The following PLEKHD1 variants were observed in gnomAD, a reference collection of about 807,000 sequenced individuals.
The protein encoded by PLEKHD1 is pleckstrin homology and coiled-coil domain containing D1, also known as pleckstrin homology domain-containing family D member 1.
In PLEKHD1, 51 loss-of-function variants were observed where a neutral mutation model predicts 69.2. That is an observed-to-expected ratio of 0.74 (90% confidence interval 0.59 to 0.93). PLEKHD1 has a LOEUF of 0.93. Ranked by LOEUF, PLEKHD1 falls within the 40% of genes least tolerant of loss-of-function variation. The pLI, the probability that PLEKHD1 is intolerant of heterozygous loss-of-function variation, is 0.00. For missense variants in PLEKHD1, 584 were observed against 641.0 expected, an observed-to-expected ratio of 0.91 and a Z score of 0.96; for synonymous variants, 236 against 244.7, an observed-to-expected ratio of 0.96 and a Z score of 0.33.
At chr14:69,527,108 G>T in intron 10 of PLEKHD1, 80 bp from the exon 11 acceptor site, 1 of 1,448,668 alleles carries the variant, frequency 6.9e-7, no homozygotes, top group South Asian at 1.5e-5. Flanking sequence ...AGCCAGGGGT[G>T]ACCAAGGAAG....
Position 69,531,221 on chromosome 14 carries a change from G to A in PLEKHD1, c.*2802G>A, listed in dbSNP as rs555022067. On this transcript the variant is annotated 3_prime_UTR_variant, in exon 13 of 13. Coordinates refer to ENST00000322564, the MANE Select transcript of PLEKHD1 (RefSeq NM_001161498.2). The stretch of plus-strand genomic sequence containing the variant: ...CTACTGGGATAGTAATTAAATTTCA[G>A]TGTGAGTTTGGGAGGGAACAAACAT... 6.6e-6 allele frequency: 1 copy of A among 152,246 alleles called. No individual in the cohort carries two copies. The highest frequency in any genetic ancestry group is 2.4e-5 in the African/African-American group (1 of 41,482). 9.4% of individuals were successfully genotyped at this position (152,246 alleles called of 1,614,324 possible). A position where few individuals can be genotyped will look rare whatever the true frequency, so the allele number is the denominator to read the frequency against.
intron 6 of PLEKHD1, among the ~76,000 whole-genome samples, chr14:69,518,026 ATTTATTTGTTTG>A (rs1203341631): frequency 8.1e-4 from 29 of 35,602 alleles, no homozygotes; most frequent in South Asian, 2.3e-3. Context: ...TTATTTATTT[ATTTATTTGTTTG>A]TTTGTTTGTT....
intron 1 of PLEKHD1, among the ~76,000 whole-genome samples, chr14:69,495,198 A>T (rs1311015748): frequency 6.6e-6 from 1 of 152,194 alleles, no homozygotes; most frequent in Non-Finnish European, 1.5e-5. Flanking sequence ...ATATGACATT[A>T]GGGAACACTT....
the PLEKHD1 span, among the ~76,000 whole-genome samples, chr14:69,476,439 C>T: frequency 1.3e-5 from 2 of 151,672 alleles, no homozygotes; most frequent in East Asian, 1.9e-4. Context: ...TTGGCATGTA[C>T]CTGTAATCCC....
chr14:69,517,613 T>C (rs934222246), intron 6 of PLEKHD1, among the ~76,000 whole-genome samples: 1 of 152,028 alleles, frequency 6.6e-6, no homozygotes, highest in African/African-American at 2.4e-5. Flanking sequence ...ACATAGGAAG[T>C]GCTTAATAAA....
chr14:69,495,603 A>G (rs1440993811), intron 1 of PLEKHD1, among the ~76,000 whole-genome samples: 1 of 152,180 alleles, frequency 6.6e-6, no homozygotes, highest in Non-Finnish European at 1.5e-5. Flanking sequence ...GTACTCTATA[A>G]ATGTTAGCTT....
At chr14:69,480,204 C>G (rs911183709), upstream of PLEKHD1, among the ~76,000 whole-genome samples, 1 of 152,200 alleles carries the variant, frequency 6.6e-6, no homozygotes, top group African/African-American at 2.4e-5. Context: ...GGGCAGGAGC[C>G]TGAATGGTGG....
chr14:69,525,803 G>A, intron 8 of PLEKHD1, 141 bp from the exon 9 acceptor site: 4 of 812,806 alleles, frequency 4.9e-6, no homozygotes, highest in South Asian at 3.8e-5. Flanking sequence ...TTTTAGCTCT[G>A]GAGAAGAATG....
chr14:69,511,279 C>T (rs1239993190), intron 6 of PLEKHD1, among the ~76,000 whole-genome samples: 1 of 152,178 alleles, frequency 6.6e-6, no homozygotes, highest in Non-Finnish European at 1.5e-5. Context: ...CTGCCTCAGC[C>T]TCCCAAGTAG....
At chr14:69,500,495 T>G in intron 2 of PLEKHD1, 82 bp from the exon 3 acceptor site, 1 of 1,164,488 alleles carries the variant, frequency 8.6e-7, no homozygotes, top group Non-Finnish European at 1.2e-6. Context: ...TGGCAGGAAC[T>G]GGCTTTGTCC....
At chr14:69,506,106 A>T (rs978118879) in intron 6 of PLEKHD1, among the ~76,000 whole-genome samples, 13 of 152,140 alleles carry the variant, frequency 8.5e-5, no homozygotes, top group African/African-American at 3.1e-4. Flanking sequence ...ACTACAACTG[A>T]AGCTCTTTGT....
chr14:69,499,523 G>A (rs891113806), intron 1 of PLEKHD1, among the ~76,000 whole-genome samples: 1 of 152,188 alleles, frequency 6.6e-6, no homozygotes, highest in Non-Finnish European at 1.5e-5. Context: ...CTCCCCAGCA[G>A]TCAAAAAGCA....
chr14:69,494,155 A>G (rs1463693390), intron 1 of PLEKHD1, among the ~76,000 whole-genome samples: 1 of 152,226 alleles, frequency 6.6e-6, no homozygotes, highest in Non-Finnish European at 1.5e-5. Context: ...TTAAATATTT[A>G]CCACCATGTT....
chr14:69,515,081 C>A (rs1883354182), intron 6 of PLEKHD1, among the ~76,000 whole-genome samples: 1 of 152,068 alleles, frequency 6.6e-6, no homozygotes, highest in Non-Finnish European at 1.5e-5. Context: ...GCCTGTAGTC[C>A]CAGCTACATG....
intron 1 of PLEKHD1, among the ~76,000 whole-genome samples, chr14:69,493,686 C>A (rs900594651): frequency 6.6e-6 from 1 of 152,254 alleles, no homozygotes; most frequent in African/African-American, 2.4e-5. Flanking sequence ...CTTCTTAACT[C>A]GGCTCTCCCT....
rs1883671110 is a variant in PLEKHD1 at position 69,527,145 on chromosome 14, C to T, written c.1057-43C>T. On this transcript the variant is annotated intron_variant, in intron 10 of 12. Transcript: ENST00000322564. ...CTTCCAGGGAAGATGGCAGCTACTT[C>T]CAGGACCTGACTTCCTTCTCATTTC... 3.3e-6 allele frequency: 5 copies of T among 1,495,580 alleles called. No individual in the cohort carries two copies. The South Asian group carries it at 5.5e-5, about 16-fold the overall frequency. The allele number at this position is 1,495,580 out of a possible 1,614,324, so 92.6% of individuals were successfully genotyped here. A position where few individuals can be genotyped will look rare whatever the true frequency, so the allele number is the denominator to read the frequency against.
At chr14:69,478,369 T>G in the PLEKHD1 span, among the ~76,000 whole-genome samples, 1 of 152,256 alleles carries the variant, frequency 6.6e-6, no homozygotes, top group South Asian at 2.1e-4. Context: ...TGGAGACATT[T>G]TCCCCATTGT....
intron 6 of PLEKHD1, among the ~76,000 whole-genome samples, chr14:69,508,403 C>T (rs1481846968): frequency 6.7e-6 from 1 of 149,182 alleles, no homozygotes; most frequent in African/African-American, 2.5e-5. Flanking sequence ...AAGACTCCAT[C>T]TCAAAAAAAA....
upstream of PLEKHD1, among the ~76,000 whole-genome samples, chr14:69,480,344 G>A (rs546818904): frequency 2.6e-5 from 4 of 152,362 alleles, no homozygotes; most frequent in South Asian, 8.3e-4. Flanking sequence ...GCTGGGCCCA[G>A]CTGACAGACA....
Sources: gnomAD v4.1 joint callset for allele counts (sites outside exome capture counted in the v4.1 genomes callset) on GRCh38, gnomAD v4.1.1 for gene constraint, MANE v1.5 for transcripts, NCBI Gene and HGNC (gene_info 2026-07-23, HGNC 2026-07-21) for gene names.